NBPF3: variants seen among roughly 807,000 people sequenced by gnomAD.
NBPF3 encodes the protein NBPF family member NBPF3.
A neutral mutation model predicts 78.1 loss-of-function variants in NBPF3; 57 were observed. The observed-to-expected ratio is 0.73, with a 90% CI of 0.59 to 0.91. The LOEUF is 0.91. NBPF3 is among the 40% of genes least tolerant of loss of function. The probability of loss-of-function intolerance (pLI) is 0.00; values close to 1 mark genes in which losing one functional copy is unlikely to be tolerated. For missense variants in NBPF3, 510 were observed against 715.3 expected (o/e 0.71, Z 3.27); for synonymous variants, 182 against 271.7 (o/e 0.67, Z 3.25).
At chr1:21,475,590 G>A (rs912634829) in intron 8 of NBPF3, among the ~76,000 whole-genome samples, 11 of 152,278 alleles carry the variant, frequency 7.2e-5, no homozygotes, top group African/African-American at 2.6e-4. Context: ...TCTTAATCCT[G>A]AGCTCTAATT....
intron 2 of NBPF3, among the ~76,000 whole-genome samples, chr1:21,461,653 G>A (rs558462412): frequency 0.03 from 4,527 of 152,196 alleles, 92 homozygotes; most frequent in Non-Finnish European, 0.045. Context: ...AGTAGAGGCA[G>A]GGTTTTACCA....
intron 2 of NBPF3, chr1:21,466,960 T>C (rs1214501205): frequency 1.0e-5 from 10 of 981,092 alleles, no homozygotes; most frequent in Non-Finnish European, 1.2e-5. Context: ...CTATGAATAA[T>C]TACTGAATAA....
rs1375276169 is a variant in NBPF3, at chr1:21,474,958, C to T, written c.992+7C>T. On this transcript the variant is annotated splice_region_variant and intron_variant, in intron 8 of 14. Transcript: ENST00000318249. The stretch of plus-strand genomic sequence containing the variant: ...AAGGGCCAGTGTCTCCCAGGTAATG[C>T]CATGGAATTGTGGGCTGTTAATTCA... 2.5e-6 allele frequency: 4 copies of T among 1,600,764 alleles called. No homozygotes were observed. The highest frequency in any genetic ancestry group is 3.4e-6 in the Non-Finnish European group (4 of 1,170,944).
rs1418691296 is a variant in NBPF3, at chr1:21,468,861, G to A, written c.307G>A (p.Val103Met). The change falls in exon 3 of 15, where the codon GTG (valine) becomes ATG (methionine). Residue 103 changes from valine (V) to methionine (M), a missense_variant. This residue lies in a region of NBPF3 where 440 missense variants were observed against 478.2 expected (regional missense o/e 0.92). Transcript: ENST00000318249. ...NLKQKCLVTQVAYFLANRQNN... is the reference protein window; with the variant it reads ...NLKQKCLVTQMAYFLANRQNN... ...CAAACAGAAATGTCTTGTAACTCAA[G>A]TGGCCTACTTCCTGGCCAACCGGCA... 4.3e-6 allele frequency: 7 copies of A among 1,614,180 alleles called. No individual in the cohort carries two copies. The highest frequency in any genetic ancestry group is 5.9e-6 in the Non-Finnish European group (7 of 1,180,036).
Position 21,480,312 on chromosome 1 carries a change from G to C in NBPF3, c.1381+89G>C, listed in dbSNP as rs1333723037. 4.3e-5 allele frequency: 29 copies of C among 676,104 alleles called. 2 individuals are homozygous for C. The highest frequency in any genetic ancestry group is 1.5e-4 in the Admixed American group (6 of 40,216). 41.9% of individuals were successfully genotyped at this position (676,104 alleles called of 1,614,324 possible). A position where few individuals can be genotyped will look rare whatever the true frequency, so the allele number is the denominator to read the frequency against. The stretch of plus-strand genomic sequence containing the variant: ...TGTTCCAAGTGGCCCTTATTGACCC[G>C]AGAGATGTCATTGCCACAGGCAGGA... On this transcript the variant is annotated intron_variant, in intron 11 of 14. Transcript: ENST00000318249.
Position 21,468,896 on chromosome 1 carries a change from C to T in NBPF3, c.342C>T (p.Tyr114=), listed in dbSNP as rs545088239. 20 of 1,609,864 alleles carry T rather than the reference C, an allele frequency of 1.2e-5. No homozygotes were observed. In the Admixed American group the frequency reaches 1.8e-4, roughly 15 times the overall value. ...AYFLANRQNN[Y]DYEDCKDLIK... is the part of the protein sequence containing the mutation. ...TCCTGGCCAACCGGCAAAATAATTA[C>T]GGTAAGTTCTATAGGCTCACCATCA... is the stretch of plus-strand genomic sequence containing the variant. The change falls in exon 3 of 15, where the codon TAC becomes TAT. Residue 114 remains tyrosine (Y), a splice_region_variant and synonymous_variant. Transcript: ENST00000318249.
upstream of NBPF3, among the ~76,000 whole-genome samples, chr1:21,438,423 A>G (rs1225253331): frequency 6.6e-6 from 1 of 152,122 alleles, no homozygotes; most frequent in Non-Finnish European, 1.5e-5. Flanking sequence ...CAGTTTTGTG[A>G]TCTTTAGAAA....
At chr1:21,459,427 G>A (rs540682121) in intron 2 of NBPF3, among the ~76,000 whole-genome samples, 1 of 152,260 alleles carries the variant, frequency 6.6e-6, no homozygotes, top group African/African-American at 2.4e-5. Context: ...ATTTATTTTA[G>A]TAGAATCTTT....
At position 21,468,723 on chromosome 1, in the gene NBPF3, A is replaced by G. The variant is rs1189925364; in HGVS notation, c.169A>G (p.Met57Val). The change falls in exon 3 of 15, where the codon ATG becomes GTG. Residue 57 changes from methionine to valine, a missense_variant. Physicochemically the swap from Met to Val is conservative, Grantham distance 21. This residue lies in a region of NBPF3 where 440 missense variants were observed against 478.2 expected (regional missense o/e 0.92). Transcript: ENST00000318249. ...CACCTCTTCTGCCACAAACGTCAGC[A>G]TGGTGGTATCTGCCGGCCCTTGGTC... The part of the protein sequence containing the change: ...GPTSSATNVS[M>V]VVSAGPWSGE... 5.0e-6 allele frequency: 8 copies of G among 1,613,384 alleles called. No homozygotes were observed. Among genetic ancestry groups the G allele is most frequent in the South Asian group, 3.3e-5 (3 of 91,060 alleles).
chr1:21,471,013 C>T (rs1465091148), intron 4 of NBPF3, among the ~76,000 whole-genome samples: 1 of 152,158 alleles, frequency 6.6e-6, no homozygotes, highest in Non-Finnish European at 1.5e-5. Flanking sequence ...GTGGGAACCA[C>T]CGAGCAGCAT....
intron 2 of NBPF3, chr1:21,468,481 G>T: frequency 6.9e-7 from 1 of 1,439,132 alleles, no homozygotes; most frequent in South Asian, 1.5e-5. Context: ...GTCGGAGACT[G>T]AGCTATTGGC....
At chr1:21,442,481 A>G (rs2147888409) in intron 1 of NBPF3, 1 of 152,182 alleles carries the variant, frequency 6.6e-6, no homozygotes, top group East Asian at 1.9e-4. Context: ...CTCCCAAAGG[A>G]TTGGGATTAC....
chr1:21,482,182 G>A lies in NBPF3; in HGVS notation c.1607-302G>A, dbSNP rs550481518. On this transcript the variant is annotated intron_variant, in intron 13 of 14. Transcript: ENST00000318249. Reference sequence around the variant, plus strand: ...TATTGCAGTTTTTCTCCTAGAAATCGTTTGAGGGCATTTGCTTTAAATTGA... The same window carrying A: ...TATTGCAGTTTTTCTCCTAGAAATCATTTGAGGGCATTTGCTTTAAATTGA... 4.0e-5 allele frequency among the ~76,000 whole-genome samples: 6 copies of A among 150,558 alleles called. No homozygotes were observed. In the South Asian group the frequency reaches 8.4e-4, roughly 21 times the overall value.
At chr1:21,446,345 A>C (rs1186072797) in intron 2 of NBPF3, 1 of 151,800 alleles carries the variant, frequency 6.6e-6, no homozygotes, top group Non-Finnish European at 1.5e-5. Context: ...GTTTTACAGT[A>C]GCGCATCTTT....
intron 2 of NBPF3, among the ~76,000 whole-genome samples, chr1:21,456,763 A>G (rs1352596759): frequency 6.6e-6 from 1 of 152,258 alleles, no homozygotes; most frequent in Non-Finnish European, 1.5e-5. Context: ...GTAACATTAT[A>G]TTAAATGGCA....
chr1:21,441,706 CAAAA>C (rs772118033), intron 1 of NBPF3, among the ~76,000 whole-genome samples: 2 of 76,920 alleles, frequency 2.6e-5, no homozygotes. Context: ...GAGCCTATCT[CAAAA>C]AAAAAAAAAA....
At chr1:21,467,455 C>T (rs886114688) in intron 2 of NBPF3, 1 of 460,950 alleles carries the variant, frequency 2.2e-6, no homozygotes, top group Non-Finnish European at 2.9e-6. Context: ...CCTCTCATCT[C>T]AAACTCACCC....
At chr1:21,479,814 C>CTGTGTGTGTGTG (rs370782082) in intron 10 of NBPF3, among the ~76,000 whole-genome samples, 6 of 49,758 alleles carry the variant, frequency 1.2e-4, no homozygotes, top group South Asian at 3.5e-3. Context: ...CTCTCTCTCT[C>CTGTGTGTGTGTG]TCTCTCTGTG....
At chr1:21,477,910 T>C (rs758571478) in intron 8 of NBPF3, among the ~76,000 whole-genome samples, 26 of 152,328 alleles carry the variant, frequency 1.7e-4, no homozygotes, top group Middle Eastern at 3.4e-3. Context: ...GTGCCCTGCA[T>C]TGGCTGATCT....
Sources: gnomAD v4.1 joint callset for allele counts (sites outside exome capture counted in the v4.1 genomes callset) on GRCh38, gnomAD v4.1.1 for gene constraint, gnomAD v4.1.1 regional missense constraint, MANE v1.5 for transcripts, NCBI Gene and HGNC (gene_info 2026-07-23, HGNC 2026-07-21) for gene names.